ZNRF4: variants seen among roughly 807,000 people sequenced by gnomAD.
ZNRF4 encodes the protein zinc and ring finger 4.
For synonymous variants in ZNRF4, 291 were observed against 285.9 expected (o/e 1.02, Z -0.18); for missense variants, 569 against 609.4 (o/e 0.93, Z 0.70).
Position 5,456,314 on chromosome 19 carries a change from C to G in ZNRF4, c.823C>G (p.Leu275Val). 1 of 1,613,888 alleles carries G rather than the reference C, an allele frequency of 6.2e-7. No individual in the cohort carries two copies. ...ATCAGCCTTCTTTGTCCTGAACCAC[C>G]TGTGGCTCTGGGCCCAGGCCTGCTG... ...VVSAFFVLNH[L>V]WLWAQACCSH... is the part of the protein sequence containing the mutation. Residue 275 changes from leucine to valine, a missense_variant, in exon 1 of 1, where the codon CTG becomes GTG. Leu to Val is a conservative substitution (Grantham distance 32). Transcript: ENST00000222033.
At position 5,455,575 on chromosome 19, in the gene ZNRF4, C is replaced by T; in HGVS notation, c.84C>T (p.Val28=). ...CGTCACTGCCTCTGAGCCACGCGGT[C>T]ATTCCAACTCAACTGCCCTCGCGTC... The part of the protein sequence containing the change: ...VAASLPLSHA[V]IPTQLPSRPG... The change falls in exon 1 of 1, where the codon GTC becomes GTT. Residue 28 remains valine, a synonymous_variant. Coordinates refer to ENST00000222033, the MANE Select transcript of ZNRF4 (RefSeq NM_181710.4). 1 of 1,612,594 alleles carries T rather than the reference C, an allele frequency of 6.2e-7. No homozygotes were observed. The highest frequency in any genetic ancestry group is 8.5e-7 in the Non-Finnish European group (1 of 1,180,030).
At position 5,456,526 on chromosome 19, in the gene ZNRF4, G is replaced by A; in HGVS notation, c.1035G>A (p.Arg345=). ...ACCCCTGGTTCTCCCAAGCCCCCCG[G>A]CGCTCCTGCCCCGTGTGCAAACAGT... ...CIDPWFSQAP[R]RSCPVCKQSV... The change falls in exon 1 of 1, where the codon CGG becomes CGA. Residue 345 remains arginine (R), a synonymous_variant. Coordinates refer to ENST00000222033, the MANE Select transcript of ZNRF4 (RefSeq NM_181710.4). The A allele has an allele frequency of 6.2e-7, 1 of 1,614,044 alleles. No individual in the cohort carries two copies.
At position 5,455,832 on chromosome 19, in the gene ZNRF4, C is replaced by T. The variant is rs199676664; in HGVS notation, c.341C>T (p.Ala114Val). The T allele has an allele frequency of 1.0e-5, 16 of 1,603,866 alleles. No individual in the cohort carries two copies. Among genetic ancestry groups the T allele is most frequent in the East Asian group, 2.2e-5 (1 of 44,878 alleles). ...GACAACTCGAGCTCGGTGGACTTTG[C>T]GGATCTGCCGGCGCTGTTCGGCGTC... is the stretch of plus-strand genomic sequence containing the variant. ...LEDNSSSVDF[A>V]DLPALFGVPL... Residue 114 changes from alanine to valine, a missense_variant, in exon 1 of 1, where the codon GCG becomes GTG. Ala to Val is a moderately conservative substitution (Grantham distance 64). Transcript: ENST00000222033.
At position 5,456,073 on chromosome 19, in the gene ZNRF4, G is replaced by A. The variant is rs763252486; in HGVS notation, c.582G>A (p.Val194=). 2 of 1,605,406 alleles carry A rather than the reference G, an allele frequency of 1.2e-6. No homozygotes were observed. The highest frequency in any genetic ancestry group is 1.7e-5 in the Admixed American group (1 of 60,026). Residue 194 remains valine (V), a synonymous_variant, in exon 1 of 1, where the codon GTG becomes GTA. Coordinates refer to ENST00000222033, the MANE Select transcript of ZNRF4 (RefSeq NM_181710.4). ...IVHNVHSDDL[V]SMTHVYEDLR... is the part of the protein sequence containing the mutation. ...ACAACGTCCACTCCGACGACCTCGT[G>A]AGCATGACCCACGTCTACGAGGACT...
chr19:5,456,649 T>C lies in ZNRF4; in HGVS notation c.1158T>C (p.Ile386=). 1 of 1,613,826 alleles carries C rather than the reference T, an allele frequency of 6.2e-7. No homozygotes were observed. The highest frequency in any genetic ancestry group is 8.5e-7 in the Non-Finnish European group (1 of 1,179,836). ...GCCACCGGCCCCCCATCTGGGCCAT[T>C]CAAGTCCAGCTACGCTCCCGGAGGC... is the stretch of plus-strand genomic sequence containing the variant. ...LPGHRPPIWA[I]QVQLRSRRLE... The change falls in exon 1 of 1, where the codon ATT becomes ATC. Residue 386 remains isoleucine, a synonymous_variant. Transcript: ENST00000222033.
In ZNRF4 at chr19:5,456,354, C is replaced by T. The variant is rs749579210; in HGVS notation, c.863C>T (p.Pro288Leu). 24 of 1,613,466 alleles carry T rather than the reference C, an allele frequency of 1.5e-5. No homozygotes were observed. Among genetic ancestry groups the T allele is most frequent in the Middle Eastern group, 1.6e-4 (1 of 6,084 alleles). The part of the protein sequence containing the change: ...WAQACCSHRR[P>L]VKTSTCQKAQ... ...CAGGCCTGCTGCAGCCACAGACGGC[C>T]GGTGAAGACGTCTACCTGCCAGAAG... Residue 288 changes from proline to leucine, a missense_variant, in exon 1 of 1, where the codon CCG (proline) becomes CTG (leucine). By Grantham distance (98) the Pro-to-Leu change is moderately conservative. Transcript: ENST00000222033.
chr19:5,456,529 C>T lies in ZNRF4; in HGVS notation c.1038C>T (p.Arg346=). The T allele has an allele frequency of 6.2e-7, 1 of 1,614,196 alleles. No individual in the cohort carries two copies. Among genetic ancestry groups the T allele is most frequent in the South Asian group, 1.1e-5 (1 of 91,086 alleles). Reference sequence around the variant, plus strand: ...CCTGGTTCTCCCAAGCCCCCCGGCGCTCCTGCCCCGTGTGCAAACAGTCGG... The same window carrying T: ...CCTGGTTCTCCCAAGCCCCCCGGCGTTCCTGCCCCGTGTGCAAACAGTCGG... ...IDPWFSQAPR[R]SCPVCKQSVA... The change falls in exon 1 of 1, where the codon CGC becomes CGT. Residue 346 remains arginine, a synonymous_variant. Transcript: ENST00000222033.
In ZNRF4 at chr19:5,455,880, G is replaced by A. The variant is rs979351140; in HGVS notation, c.389G>A (p.Arg130Gln). The A allele has an allele frequency of 1.2e-6, 2 of 1,603,126 alleles. No homozygotes were observed. The highest frequency in any genetic ancestry group is 1.1e-5 in the South Asian group (1 of 91,038). ...GTCCCCCTGGCCCCCGAGGGCATAC[G>A]GGGCTACCTGATGGAGGTCAAGCCA... ...FGVPLAPEGI[R>Q]GYLMEVKPAN... The change falls in exon 1 of 1, where the codon CGG becomes CAG. Residue 130 changes from arginine to glutamine, a missense_variant. Physicochemically the swap from Arg to Gln is conservative, Grantham distance 43. Coordinates refer to ENST00000222033, the MANE Select transcript of ZNRF4 (RefSeq NM_181710.4).
Position 5,455,798 on chromosome 19 carries a change from G to T in ZNRF4, c.307G>T (p.Val103Leu). 1 of 1,604,022 alleles carries T rather than the reference G, an allele frequency of 6.2e-7. No individual in the cohort carries two copies. Among genetic ancestry groups the T allele is most frequent in the South Asian group, 1.1e-5 (1 of 91,084 alleles). The change falls in exon 1 of 1, where the codon GTG (valine) becomes TTG (leucine). Residue 103 changes from valine to leucine, a missense_variant. By Grantham distance (32) the Val-to-Leu change is conservative. Coordinates refer to ENST00000222033, the MANE Select transcript of ZNRF4 (RefSeq NM_181710.4). ...GCCCGCGCAGGCAGTGGTACGGGCCGTGCTGGAAGACAACTCGAGCTCGGT... is the reference window on the plus strand; with the variant it reads ...GCCCGCGCAGGCAGTGGTACGGGCCTTGCTGGAAGACAACTCGAGCTCGGT... ...QVPAQAVVRA[V>L]LEDNSSSVDF...
chr19:5,456,653 G>A lies in ZNRF4; in HGVS notation c.1162G>A (p.Val388Ile), dbSNP rs563293944. The change falls in exon 1 of 1, where the codon GTC becomes ATC. Residue 388 changes from valine (V) to isoleucine (I), a missense_variant. Transcript: ENST00000222033. ...CCGGCCCCCCATCTGGGCCATTCAA[G>A]TCCAGCTACGCTCCCGGAGGCTGGA... ...GHRPPIWAIQVQLRSRRLELL... is the reference protein window; with the variant it reads ...GHRPPIWAIQIQLRSRRLELL... The A allele has an allele frequency of 1.9e-5, 30 of 1,613,880 alleles. 1 individual carries two copies. In the East Asian group the frequency reaches 3.8e-4, roughly 20 times the overall value.
rs1438319864 is a variant in ZNRF4 at position 5,455,969 on chromosome 19, C to T, written c.478C>T (p.Leu160=). The change falls in exon 1 of 1, where the codon CTG becomes TTG. Residue 160 remains leucine, a synonymous_variant. Transcript: ENST00000222033. Reference sequence around the variant, plus strand: ...CAACCGCTCTCTGGGCGCCATCGTGCTGATCCGCCGCTACGACTGCACCTT... The same window carrying T: ...CAACCGCTCTCTGGGCGCCATCGTGTTGATCCGCCGCTACGACTGCACCTT... The part of the protein sequence containing the change: ...LGNRSLGAIV[L]IRRYDCTFDL... 6.2e-7 allele frequency: 1 copy of T among 1,600,312 alleles called. No homozygotes were observed.
In ZNRF4 at chr19:5,455,919, A is replaced by G; in HGVS notation, c.428A>G (p.His143Arg). 1.9e-6 allele frequency: 3 copies of G among 1,601,564 alleles called. No individual in the cohort carries two copies. Among genetic ancestry groups the G allele is most frequent in the Non-Finnish European group, 2.5e-6 (3 of 1,179,406 alleles). Residue 143 changes from histidine (H) to arginine (R), a missense_variant, in exon 1 of 1, where the codon CAT (histidine) becomes CGT (arginine). By Grantham distance (29) the His-to-Arg change is conservative. Transcript: ENST00000222033. ...GAGGTCAAGCCAGCCAACGCGTGCC[A>G]TCCCATCGAGGCCCCGCGACTGGGC... ...LMEVKPANAC[H>R]PIEAPRLGNR...
rs771572851 is a variant in ZNRF4, at chr19:5,456,662, C to T, written c.1171C>T (p.Arg391Cys). 23 of 1,613,706 alleles carry T rather than the reference C, an allele frequency of 1.4e-5. 1 individual carries two copies. Among genetic ancestry groups the T allele is most frequent in the South Asian group, 9.9e-5 (9 of 91,052 alleles). The change falls in exon 1 of 1, where the codon CGC (arginine) becomes TGC (cysteine). Residue 391 changes from arginine to cysteine, a missense_variant. Physicochemically the swap from Arg to Cys is radical, Grantham distance 180. Coordinates refer to ENST00000222033, the MANE Select transcript of ZNRF4 (RefSeq NM_181710.4). The part of the protein sequence containing the change: ...PPIWAIQVQL[R>C]SRRLELLGRA... ...CATCTGGGCCATTCAAGTCCAGCTA[C>T]GCTCCCGGAGGCTGGAGCTGCTGGG... is the stretch of plus-strand genomic sequence containing the variant.
chr19:5,456,511 C>A lies in ZNRF4; in HGVS notation c.1020C>A (p.Phe340Leu), dbSNP rs1477922859. ...TYHCKCIDPWFSQAPRRSCPV... is the reference protein window; with the variant it reads ...TYHCKCIDPWLSQAPRRSCPV... Reference sequence around the variant, plus strand: ...ACTGCAAATGCATTGACCCCTGGTTCTCCCAAGCCCCCCGGCGCTCCTGCC... The same window carrying A: ...ACTGCAAATGCATTGACCCCTGGTTATCCCAAGCCCCCCGGCGCTCCTGCC... The change falls in exon 1 of 1, where the codon TTC (phenylalanine) becomes TTA (leucine). Residue 340 changes from phenylalanine to leucine, a missense_variant. Coordinates refer to ENST00000222033, the MANE Select transcript of ZNRF4 (RefSeq NM_181710.4). 1.2e-6 allele frequency: 2 copies of A among 1,614,048 alleles called. No individual in the cohort carries two copies. Among genetic ancestry groups the A allele is most frequent in the African/African-American group, 1.3e-5 (1 of 74,946 alleles).
chr19:5,456,093 A>C lies in ZNRF4; in HGVS notation c.602A>C (p.Glu201Ala). The C allele has an allele frequency of 6.2e-7, 1 of 1,606,454 alleles. No individual in the cohort carries two copies. The highest frequency in any genetic ancestry group is 1.3e-5 in the African/African-American group (1 of 75,040). ...DDLVSMTHVY[E>A]DLRGQIAIPS... ...CTCGTGAGCATGACCCACGTCTACG[A>C]GGACTTGAGGGGCCAGATCGCCATC... The change falls in exon 1 of 1, where the codon GAG becomes GCG. Residue 201 changes from glutamate (E) to alanine (A), a missense_variant. Coordinates refer to ENST00000222033, the MANE Select transcript of ZNRF4 (RefSeq NM_181710.4).
chr19:5,456,768 C>A lies in ZNRF4; in HGVS notation c.1277C>A (p.Ala426Asp). 2 of 1,555,892 alleles carry A rather than the reference C, an allele frequency of 1.3e-6. No homozygotes were observed. Among genetic ancestry groups the A allele is most frequent in the South Asian group, 1.2e-5 (1 of 83,338 alleles). The change falls in exon 1 of 1, where the codon GCC (alanine) becomes GAC (aspartate). Residue 426 changes from alanine to aspartate, a missense_variant. By Grantham distance (126) the Ala-to-Asp change is moderately radical (BLOSUM62 -2). Transcript: ENST00000222033. ...YTTVSSAPPE[A>D]PGQ ...ACTGTCTCCTCAGCCCCTCCTGAGGCCCCTGGTCAGTAAAGATCTAGGGCA... is the reference window on the plus strand; with the variant it reads ...ACTGTCTCCTCAGCCCCTCCTGAGGACCCTGGTCAGTAAAGATCTAGGGCA...
At position 5,455,493 on chromosome 19, in the gene ZNRF4, TGCC is replaced by T. The variant is rs1157983957; in HGVS notation, c.5_7del (p.Pro2?). 2 of 1,599,222 alleles carry T rather than the reference TGCC, an allele frequency of 1.3e-6. No homozygotes were observed. The highest frequency in any genetic ancestry group is 2.7e-5 in the African/African-American group (2 of 74,734). ...GACCGGCCTTCAAAGACACGACGCA[TGCC>T]GCTCTGCCGTCCGGAGCACTTAATG... On this transcript the variant is annotated start_lost and inframe_deletion, in exon 1 of 1. Transcript: ENST00000222033.
At position 5,456,690 on chromosome 19, in the gene ZNRF4, G is replaced by A. The variant is rs561044958; in HGVS notation, c.1199G>A (p.Arg400His). The A allele has an allele frequency of 5.8e-5, 94 of 1,612,654 alleles. 1 individual carries two copies. In the Admixed American group the frequency reaches 7.3e-4, roughly 13 times the overall value. ...LRSRRLELLG[R>H]ASPHCHCSTT... ...TCCCGGAGGCTGGAGCTGCTGGGCC[G>A]CGCCAGTCCCCACTGCCACTGCAGC... Residue 400 changes from arginine to histidine, a missense_variant, in exon 1 of 1, where the codon CGC becomes CAC. By Grantham distance (29) the Arg-to-His change is conservative. Coordinates refer to ENST00000222033, the MANE Select transcript of ZNRF4 (RefSeq NM_181710.4).
Position 5,455,872 on chromosome 19 carries a change from G to C in ZNRF4, c.381G>C (p.Glu127Asp). The part of the protein sequence containing the change: ...PALFGVPLAP[E>D]GIRGYLMEVK... ...TGTTCGGCGTCCCCCTGGCCCCCGA[G>C]GGCATACGGGGCTACCTGATGGAGG... The change falls in exon 1 of 1, where the codon GAG becomes GAC. Residue 127 changes from glutamate (E) to aspartate (D), a missense_variant. By Grantham distance (45) the Glu-to-Asp change is conservative (BLOSUM62 2). Transcript: ENST00000222033. 6.2e-7 allele frequency: 1 copy of C among 1,603,478 alleles called. No homozygotes were observed. The highest frequency in any genetic ancestry group is 8.5e-7 in the Non-Finnish European group (1 of 1,179,758).
Sources: allele counts gnomAD v4.1 joint callset, GRCh38; gene constraint gnomAD v4.1.1; transcripts MANE v1.5; gene names NCBI Gene and HGNC (gene_info 2026-07-23, HGNC 2026-07-21).